The following MICAL3 variants were observed in gnomAD, a reference collection of about 807,000 sequenced individuals.
MICAL3 encodes the protein [F-actin]-monooxygenase MICAL3.
MICAL3 carries 62 observed loss-of-function variants against 207.4 expected under a neutral mutation model. The observed-to-expected ratio is 0.30, with a 90% confidence interval of 0.24 to 0.37. MICAL3 has a LOEUF of 0.37. Among genes scored for constraint, MICAL3 ranks in the 10% least tolerant of loss-of-function variants. The pLI, the probability that MICAL3 is intolerant of heterozygous loss-of-function variation, is 1.00. For missense variants in MICAL3, 2,368 were observed against 2,635.6 expected, an observed-to-expected ratio of 0.90 and a Z score of 2.22; for synonymous variants, 1,077 against 1,069.3, an observed-to-expected ratio of 1.01 and a Z score of -0.14.
At chr22:17,892,264 C>T (rs181926712) in intron 11 of MICAL3, among the ~76,000 whole-genome samples, 1 of 152,360 alleles carries the variant, frequency 6.6e-6, no homozygotes, top group Non-Finnish European at 1.5e-5. Flanking sequence ...AATAGGCAAA[C>T]ACATGTGCTG....
intron 19 of MICAL3, chr22:17,864,556 T>C: frequency 6.9e-7 from 1 of 1,447,404 alleles, no homozygotes; most frequent in Non-Finnish European, 9.1e-7. Flanking sequence ...CGAGCTCCTG[T>C]CTACCTACAC....
intron 7 of MICAL3, among the ~76,000 whole-genome samples, chr22:17,899,104 C>T (rs1211742210): frequency 6.6e-6 from 1 of 152,170 alleles, no homozygotes; most frequent in East Asian, 1.9e-4. Context: ...AGTATTTATG[C>T]ATGAAATGCT....
chr22:17,919,168 G>A (rs1932729753), intron 1 of MICAL3, among the ~76,000 whole-genome samples: 1 of 150,464 alleles, frequency 6.6e-6, no homozygotes, highest in Admixed American at 6.6e-5. Flanking sequence ...CAGCTCAGGC[G>A]ATTCTCCTGC....
chr22:17,830,713 G>C (rs761257274), intron 21 of MICAL3, among the ~76,000 whole-genome samples: 1 of 152,196 alleles, frequency 6.6e-6, no homozygotes, highest in African/African-American at 2.4e-5. Context: ...GGTCACTAAG[G>C]GCTGCCTGTG....
At chr22:17,926,427 C>T (rs1932928398) in intron 1 of MICAL3, among the ~76,000 whole-genome samples, 1 of 152,198 alleles carries the variant, frequency 6.6e-6, no homozygotes, top group African/African-American at 2.4e-5. Context: ...CTTTTTATGC[C>T]ACTTTCTAAG....
At position 17,902,745 on chromosome 22, in the gene MICAL3, T is replaced by C. The variant is rs1416328509; in HGVS notation, c.475A>G (p.Ile159Val). The change falls in exon 4 of 32, where the codon ATC (isoleucine) becomes GTC (valine). Residue 159 changes from isoleucine to valine, a missense_variant and splice_region_variant. Coordinates refer to ENST00000441493, the MANE Select transcript of MICAL3 (RefSeq NM_015241.3). This position sits in a 1 kb window ranked among gnomAD's most constrained non-coding sequence, Gnocchi z 4.5. ...AAAAGTATTAGTTGGAGCTGACGGA[T>C]ACCTGGGAGAATACAGAGATGACGT... ...FCAGAIDHISIRQLQLILLKV... is the reference protein window; with the variant it reads ...FCAGAIDHISVRQLQLILLKV... 3.2e-6 allele frequency: 5 copies of C among 1,573,144 alleles called. No individual in the cohort carries two copies. The highest frequency in any genetic ancestry group is 4.3e-6 in the Non-Finnish European group (5 of 1,151,178).
chr22:17,808,576 C>T (rs565255701), intron 29 of MICAL3, among the ~76,000 whole-genome samples: 4 of 152,300 alleles, frequency 2.6e-5, no homozygotes, highest in African/African-American at 4.8e-5. Flanking sequence ...GAAGAGCCAG[C>T]GCTCGCCATC....
intron 1 of MICAL3, among the ~76,000 whole-genome samples, chr22:17,920,292 A>G (rs1384744477): frequency 2.0e-5 from 3 of 152,102 alleles, no homozygotes; most frequent in Non-Finnish European, 2.9e-5. Context: ...GGGCCCCAAT[A>G]CTGCCTTCTA....
At chr22:17,858,384 T>C in intron 19 of MICAL3, 1 of 775,368 alleles carries the variant, frequency 1.3e-6, no homozygotes, top group Non-Finnish European at 1.6e-6. Flanking sequence ...GGCGCTTGGC[T>C]GGGTGAGCTG....
At chr22:17,819,841 G>T (rs1217349174) in intron 25 of MICAL3, among the ~76,000 whole-genome samples, 3 of 151,102 alleles carry the variant, frequency 2.0e-5, no homozygotes, top group Admixed American at 6.6e-5. Context: ...TACTCGGGAG[G>T]CTGAGGCAGA....
chr22:18,017,434 C>T (rs1924132457), intron 1 of MICAL3, among the ~76,000 whole-genome samples: 1 of 151,892 alleles, frequency 6.6e-6, no homozygotes, highest in African/African-American at 2.4e-5. Flanking sequence ...CCAGGCTGGT[C>T]TTGAACTCAT....
At chr22:17,811,201 A>T (rs448184) in intron 27 of MICAL3, 78,632 of 159,012 alleles carry the variant, frequency 0.49, 22,503 homozygotes, top group African/African-American at 0.82. Flanking sequence ...ATGTCTGGTC[A>T]TTTTAAAACT....
chr22:17,830,471 C>T (rs1021651394), intron 21 of MICAL3, among the ~76,000 whole-genome samples: 2 of 152,238 alleles, frequency 1.3e-5, no homozygotes, highest in African/African-American at 2.4e-5. Context: ...GAACGTGCTT[C>T]GACCCGAAGC....
rs1381421498 is a variant in MICAL3 at position 17,808,741 on chromosome 22, GA to G, written c.5650+102del. The stretch of plus-strand genomic sequence containing the variant: ...TGAAGGGCCCCAGAAAATCCTGCTG[GA>G]AAAGGAGCTGAATTCCAGGTGAGGT... On this transcript the variant is annotated intron_variant, in intron 29 of 31. Transcript: ENST00000441493. 19 of 931,334 alleles carry G rather than the reference GA, an allele frequency of 2.0e-5. No homozygotes were observed. In the African/African-American group the frequency reaches 2.8e-4, roughly 14 times the overall value. 57.7% of individuals were successfully genotyped at this position (931,334 alleles called of 1,614,324 possible).
intron 1 of MICAL3, among the ~76,000 whole-genome samples, chr22:17,973,662 C>T (rs1177507581): frequency 1.3e-5 from 2 of 152,188 alleles, no homozygotes; most frequent in Non-Finnish European, 2.9e-5. Flanking sequence ...AGTGCGATGG[C>T]TCACACCTGA....
intron 1 of MICAL3, among the ~76,000 whole-genome samples, chr22:17,965,541 AT>A (rs1935108614): frequency 6.6e-6 from 1 of 152,232 alleles, no homozygotes; most frequent in Middle Eastern, 3.2e-3. Flanking sequence ...TAGTGTATTC[AT>A]CACTTACTAC....
intron 1 of MICAL3, among the ~76,000 whole-genome samples, chr22:17,988,665 C>T (rs2060571701): frequency 6.6e-6 from 1 of 152,080 alleles, no homozygotes; most frequent in African/African-American, 2.4e-5. Context: ...ACCATCTTGG[C>T]CAGGCTGGTC....
At chr22:17,800,864 A>G (rs2061929794) in intron 29 of MICAL3, among the ~76,000 whole-genome samples, 1 of 152,228 alleles carries the variant, frequency 6.6e-6, no homozygotes, top group African/African-American at 2.4e-5. Context: ...TAAGAATGAC[A>G]CAAGAGCAGA....
At chr22:17,930,974 G>A (rs117788501) in intron 1 of MICAL3, among the ~76,000 whole-genome samples, 11 of 152,332 alleles carry the variant, frequency 7.2e-5, no homozygotes, top group Non-Finnish European at 8.8e-5. Flanking sequence ...CAGAGGCAGC[G>A]CCTCCCAACG....
Sources: gnomAD v4.1 joint callset for allele counts (sites outside exome capture counted in the v4.1 genomes callset) on GRCh38, gnomAD v4.1.1 for gene constraint, Gnocchi (gnomAD v3.1) non-coding constraint, MANE v1.5 for transcripts, NCBI Gene and HGNC (gene_info 2026-07-23, HGNC 2026-07-21) for gene names.